The following SLC25A44 variants were observed in gnomAD, a reference collection of about 807,000 sequenced individuals.
SLC25A44 encodes the protein solute carrier family 25 member 44.
SLC25A44 carries 17 observed loss-of-function variants against 29.9 expected under a neutral mutation model. The observed-to-expected ratio is 0.57, with a 90% CI of 0.39 to 0.85. SLC25A44 has a LOEUF of 0.85. Ranked by LOEUF, SLC25A44 falls within the 40% of genes least tolerant of loss-of-function variation. The pLI, the probability that SLC25A44 is intolerant of heterozygous loss-of-function variation, is 0.00. For synonymous variants in SLC25A44, 140 were observed against 151.8 expected, an observed-to-expected ratio of 0.92 and a Z score of 0.57; for missense variants, 302 against 398.4, an observed-to-expected ratio of 0.76 and a Z score of 2.06.
At chr1:156,206,796 G>A (rs1656957670) in intron 2 of SLC25A44, among the ~76,000 whole-genome samples, 5 of 152,202 alleles carry the variant, frequency 3.3e-5, no homozygotes, top group Admixed American at 3.3e-4. Context: ...GCCTCCCAAA[G>A]TGCTAGGATT....
Position 156,199,818 on chromosome 1 carries a change from T to TA in SLC25A44, c.-13-16dup. ...CACCCTCCTTCTTCACATCCCTCCA[T>TA]ACTGCTCAAATCCCAGGTCTTCAGG... On this transcript the variant is annotated splice_polypyrimidine_tract_variant and intron_variant, in intron 1 of 3. Transcript: ENST00000359511. 2 of 1,599,172 alleles carry TA rather than the reference T, an allele frequency of 1.3e-6. No individual in the cohort carries two copies. Among genetic ancestry groups the TA allele is most frequent in the Non-Finnish European group, 1.7e-6 (2 of 1,171,796 alleles).
rs1207289799 is a variant in SLC25A44, at chr1:156,200,367, C to G, written c.520C>G (p.Leu174Val). The stretch of plus-strand genomic sequence containing the variant: ...AACCAAGGACATCATCAGGCAGATC[C>G]TGCAGGCTGATGGACTTCGCGGCTT... ...GQTKDIIRQILQADGLRGFYR... is the reference protein window; with the variant it reads ...GQTKDIIRQIVQADGLRGFYR... The change falls in exon 2 of 4, where the codon CTG (leucine) becomes GTG (valine). Residue 174 changes from leucine to valine, a missense_variant. Transcript: ENST00000359511. The G allele has an allele frequency of 6.2e-7, 1 of 1,614,118 alleles. No homozygotes were observed. The highest frequency in any genetic ancestry group is 1.6e-4 in the Middle Eastern group (1 of 6,062).
intron 1 of SLC25A44, 59 bp from the exon 2 acceptor site, chr1:156,199,776 G>T: frequency 1.4e-6 from 2 of 1,472,388 alleles, no homozygotes; most frequent in South Asian, 1.3e-5. Flanking sequence ...CAGCCAGAAG[G>T]GGAAAGCACA....
Position 156,211,056 on chromosome 1 carries a change from T to TGTG in SLC25A44, c.*625_*626insGTG, listed in dbSNP as rs1657274475. On this transcript the variant is annotated 3_prime_UTR_variant, in exon 4 of 4. Transcript: ENST00000359511. Reference sequence around the variant, plus strand: ...TGGGAGAAATGTTGATACTTTTGTTTTGTGTGTGTGTGTGTGTGTGTGTGT... The same window carrying TGTG: ...TGGGAGAAATGTTGATACTTTTGTTTGTGTGTGTGTGTGTGTGTGTGTGTGTGT... The TGTG allele has an allele frequency of 8.6e-5, 12 of 138,966 alleles. No homozygotes were observed. Among genetic ancestry groups the TGTG allele is most frequent in the South Asian group, 2.4e-4 (1 of 4,100 alleles). 8.6% of individuals were successfully genotyped at this position (138,966 alleles called of 1,614,324 possible). A position where few individuals can be genotyped will look rare whatever the true frequency, so the allele number is the denominator to read the frequency against.
intron 2 of SLC25A44, among the ~76,000 whole-genome samples, chr1:156,201,639 CT>C (rs1285303503): frequency 6.6e-6 from 1 of 151,946 alleles, no homozygotes; most frequent in Non-Finnish European, 1.5e-5. Flanking sequence ...TCCTCCTCTT[CT>C]TCTTTTGTTT....
chr1:156,209,562 G>A (rs193073966), intron 3 of SLC25A44, among the ~76,000 whole-genome samples: 90 of 152,258 alleles, frequency 5.9e-4, no homozygotes, highest in Non-Finnish European at 2.4e-4. Context: ...TGTAGTTTAG[G>A]GGTTGGGGAG....
intron 1 of SLC25A44, among the ~76,000 whole-genome samples, chr1:156,194,479 A>T (rs1399155781): frequency 1.3e-5 from 2 of 152,188 alleles, no homozygotes; most frequent in East Asian, 3.8e-4. Flanking sequence ...TGCGGGGGCC[A>T]GGACAGAGGC....
In SLC25A44 at chr1:156,198,643, G is replaced by A. The variant is rs1656361342; in HGVS notation, c.-13-1192G>A. 1 of 152,072 alleles carries A rather than the reference G, an allele frequency of 6.6e-6. No homozygotes were observed. The highest frequency in any genetic ancestry group is 1.9e-4 in the East Asian group (1 of 5,190). 9.4% of individuals were successfully genotyped at this position (152,072 alleles called of 1,614,324 possible). A position where few individuals can be genotyped will look rare whatever the true frequency, so the allele number is the denominator to read the frequency against. On this transcript the variant is annotated intron_variant, in intron 1 of 3. Transcript: ENST00000359511. The surrounding 1 kb of genome is among the most constrained non-coding windows in gnomAD (Gnocchi z 4.1). The stretch of plus-strand genomic sequence containing the variant: ...TATTTTTATATATTGTAGAGACGGA[G>A]TCTCCCTATGTTGCCTAGGCTGACC...
chr1:156,201,695 C>G (rs76102184), intron 2 of SLC25A44, among the ~76,000 whole-genome samples: 4 of 148,586 alleles, frequency 2.7e-5, no homozygotes. Context: ...CTTCTTTCTT[C>G]TTCTTTTTTT....
intron 1 of SLC25A44, among the ~76,000 whole-genome samples, chr1:156,196,036 A>G (rs759925213): frequency 6.6e-6 from 1 of 152,226 alleles, no homozygotes; most frequent in Non-Finnish European, 1.5e-5. Flanking sequence ...GCACGTCAAC[A>G]TTTGTGCCTG....
intron 2 of SLC25A44, among the ~76,000 whole-genome samples, chr1:156,203,600 A>G (rs76081797): frequency 0.015 from 2,246 of 152,122 alleles, 63 homozygotes; most frequent in African/African-American, 0.051. Context: ...TGCCTGGTAG[A>G]TAAGAGATTC....
chr1:156,195,600 A>T (rs933722373), intron 1 of SLC25A44, among the ~76,000 whole-genome samples: 1 of 152,232 alleles, frequency 6.6e-6, no homozygotes, highest in Non-Finnish European at 1.5e-5. Context: ...AACGACGGAT[A>T]GTCTGGGGGT....
chr1:156,211,503 C>G lies in SLC25A44; in HGVS notation c.*1072C>G, dbSNP rs1421407205. ...CAGCCATGACATACACATAAATACCCCAATCACTCAGACTTACGGCAACAA... is the reference window on the plus strand; with the variant it reads ...CAGCCATGACATACACATAAATACCGCAATCACTCAGACTTACGGCAACAA... On this transcript the variant is annotated 3_prime_UTR_variant, in exon 4 of 4. Transcript: ENST00000359511. 6.6e-6 allele frequency: 1 copy of G among 152,394 alleles called. No individual in the cohort carries two copies. The highest frequency in any genetic ancestry group is 1.5e-5 in the Non-Finnish European group (1 of 68,070). The allele number at this position is 152,394 out of a possible 1,614,324, so 9.4% of individuals were successfully genotyped here. A position where few individuals can be genotyped will look rare whatever the true frequency, so the allele number is the denominator to read the frequency against.
intron 1 of SLC25A44, chr1:156,197,314 AG>A (rs1656273966): frequency 6.6e-6 from 1 of 152,156 alleles, no homozygotes; most frequent in Non-Finnish European, 1.5e-5. Flanking sequence ...TCATTGTTCT[AG>A]GGGTTCTCTT....
rs1657418881 is a variant in SLC25A44 at position 156,212,716 on chromosome 1, G to C, written c.*2285G>C. 1 of 288,040 alleles carries C rather than the reference G, an allele frequency of 3.5e-6. No individual in the cohort carries two copies. The highest frequency in any genetic ancestry group is 6.7e-6 in the Non-Finnish European group (1 of 149,726). 17.8% of individuals were successfully genotyped at this position (288,040 alleles called of 1,614,324 possible). A position where few individuals can be genotyped will look rare whatever the true frequency, so the allele number is the denominator to read the frequency against. On this transcript the variant is annotated 3_prime_UTR_variant, in exon 4 of 4. Coordinates refer to ENST00000359511, the MANE Select transcript of SLC25A44 (RefSeq NM_014655.4). ...TGAACGTTTGATGAAATGGACTCTT[G>C]TGAAAATTAACAGTGAATATTCACT...
intron 1 of SLC25A44, 117 bp from the exon 2 acceptor site, chr1:156,199,713 TTTGGG>T: frequency 1.8e-5 from 14 of 772,210 alleles, no homozygotes; most frequent in Admixed American, 5.5e-5. Context: ...GAGTCCAAGC[TTTGGG>T]CAGGTGAGTG....
intron 1 of SLC25A44, among the ~76,000 whole-genome samples, chr1:156,195,005 G>C (rs1181277833): frequency 1.3e-5 from 2 of 152,334 alleles, no homozygotes; most frequent in Non-Finnish European, 2.9e-5. Context: ...CAAGGACTTA[G>C]AGCATCACTG....
chr1:156,208,429 T>C (rs1657093098), intron 3 of SLC25A44, among the ~76,000 whole-genome samples: 1 of 152,132 alleles, frequency 6.6e-6, no homozygotes, highest in African/African-American at 2.4e-5. Context: ...ATCACGCCAC[T>C]GCACTCCAGC....
rs1656455156 is a variant in SLC25A44 at position 156,200,008 on chromosome 1, A to G, written c.161A>G (p.Tyr54Cys). Residue 54 changes from tyrosine to cysteine, a missense_variant, in exon 2 of 4, where the codon TAC becomes TGC. Tyr to Cys is a radical substitution (Grantham distance 194, BLOSUM62 -2). Transcript: ENST00000359511. ...CAAGTTCAGAAGGGGAAGAGCCTCT[A>G]CCATGGGACCTTCGATGCCTTCATC... is the stretch of plus-strand genomic sequence containing the variant. The part of the protein sequence containing the change: ...RLQVQKGKSL[Y>C]HGTFDAFIKI... 5.6e-6 allele frequency: 9 copies of G among 1,614,068 alleles called. No individual in the cohort carries two copies. Among genetic ancestry groups the G allele is most frequent in the Non-Finnish European group, 7.6e-6 (9 of 1,180,022 alleles).
Sources: allele counts gnomAD v4.1 joint callset (sites outside exome capture counted in the v4.1 genomes callset), GRCh38; gene constraint gnomAD v4.1.1; non-coding constraint Gnocchi (gnomAD v3.1); transcripts MANE v1.5; gene names NCBI Gene and HGNC (gene_info 2026-07-23, HGNC 2026-07-21).